Variants in ALDH1A2 observed in about 807,000 individuals in gnomAD.
The protein encoded by ALDH1A2 is aldehyde dehydrogenase 1 family member A2, also known as retinal dehydrogenase 2.
ALDH1A2 carries 27 observed loss-of-function variants against 60.3 expected under a neutral mutation model. The ratio of observed to expected loss-of-function variants is 0.45; its 90% CI spans 0.33 to 0.62. ALDH1A2 has a LOEUF of 0.62. ALDH1A2 is among the 20% of genes least tolerant of loss of function. The pLI, the probability that ALDH1A2 is intolerant of heterozygous loss-of-function variation, is 0.02. For synonymous variants in ALDH1A2, 289 were observed against 232.4 expected (o/e 1.24, Z -2.21); for missense variants, 581 against 643.8 (o/e 0.90, Z 1.06).
rs4646577 is a variant in ALDH1A2 at position 58,039,251 on chromosome 15, G to GT, written c.118-24971dup. Among the ~76,000 whole-genome samples, 168 of 149,540 alleles carry GT rather than the reference G, an allele frequency of 1.1e-3. No homozygotes were observed. In the Middle Eastern group the frequency reaches 0.021, roughly 18 times the overall value. On this transcript the variant is annotated intron_variant, in intron 1 of 12. Coordinates refer to ENST00000249750, the MANE Select transcript of ALDH1A2 (RefSeq NM_003888.4). The stretch of plus-strand genomic sequence containing the variant: ...GGAATCCCTGCAAAGTCTCAGATTA[G>GT]TTTTTTTTTTCTCCTTCTTTATTAA...
chr15:58,036,708 A>G (rs1023460776), intron 1 of ALDH1A2: 4 of 151,730 alleles, frequency 2.6e-5, no homozygotes, highest in Non-Finnish European at 4.4e-5. Context: ...TCTGGAGCTT[A>G]TAATAATGCT....
chr15:58,003,711 G>A (rs534251430), intron 4 of ALDH1A2, among the ~76,000 whole-genome samples: 7 of 151,984 alleles, frequency 4.6e-5, no homozygotes, highest in East Asian at 1.9e-4. Flanking sequence ...GGTTGTAGAC[G>A]TGAGAGAAGA....
chr15:58,014,158 T>C lies in ALDH1A2; in HGVS notation c.222+19A>G. The C allele has an allele frequency of 6.2e-7, 1 of 1,614,188 alleles. No homozygotes were observed. Among genetic ancestry groups the C allele is most frequent in the South Asian group, 1.1e-5 (1 of 91,082 alleles). On this transcript the variant is annotated intron_variant, in intron 2 of 12. Coordinates refer to ENST00000249750, the MANE Select transcript of ALDH1A2 (RefSeq NM_003888.4). ...AGGCAGTTATTTCATAGGAAATCTT[T>C]TATCTACAAAAGACATACCTTGTCT...
chr15:58,044,336 T>C (rs1427761977), intron 1 of ALDH1A2, among the ~76,000 whole-genome samples: 1 of 151,942 alleles, frequency 6.6e-6, no homozygotes, highest in African/African-American at 2.4e-5. Context: ...CCCCAGTGTG[T>C]GATGTTCCCC....
chr15:58,017,334 G>C (rs988284703), intron 1 of ALDH1A2, among the ~76,000 whole-genome samples: 1 of 152,010 alleles, frequency 6.6e-6, no homozygotes, highest in African/African-American at 2.4e-5. Flanking sequence ...GCTGAAGGTA[G>C]GTATATATGT....
chr15:58,025,547 G>A (rs1262716317), intron 1 of ALDH1A2, among the ~76,000 whole-genome samples: 1 of 152,088 alleles, frequency 6.6e-6, no homozygotes, highest in Admixed American at 6.5e-5. Context: ...AAAAGCCCAA[G>A]ACAAGAATCC....
At chr15:58,044,295 T>C (rs368808186) in intron 1 of ALDH1A2, among the ~76,000 whole-genome samples, 249 of 152,034 alleles carry the variant, frequency 1.6e-3, no homozygotes, top group African/African-American at 5.8e-3. Flanking sequence ...GTCCTAATGC[T>C]CTCCCTCTCC....
intron 1 of ALDH1A2, among the ~76,000 whole-genome samples, chr15:58,024,461 T>A (rs1896019002): frequency 6.6e-6 from 1 of 152,174 alleles, no homozygotes; most frequent in African/African-American, 2.4e-5. Context: ...AAAACAGATT[T>A]TAAGCCAAGA....
Position 57,992,829 on chromosome 15 carries a change from A to G in ALDH1A2, c.685-11T>C, listed in dbSNP as rs770667169. The G allele has an allele frequency of 6.2e-7, 1 of 1,613,996 alleles. No individual in the cohort carries two copies. Among genetic ancestry groups the G allele is most frequent in the Non-Finnish European group, 8.5e-7 (1 of 1,179,954 alleles). The stretch of plus-strand genomic sequence containing the variant: ...GGGAGGAAAGCCAGCCTAAGAAAAC[A>G]GAACAGGAGGAAACGTGGCTGATGA... On this transcript the variant is annotated splice_polypyrimidine_tract_variant and intron_variant, in intron 6 of 12. Transcript: ENST00000249750.
At chr15:58,013,814 G>A (rs1425384782) in intron 3 of ALDH1A2, 44 bp downstream of exon 3, 11 of 1,611,600 alleles carry the variant, frequency 6.8e-6, no homozygotes, top group Non-Finnish European at 9.3e-6. Flanking sequence ...TCAGCAGAAT[G>A]GCAAATGTGG....
At chr15:58,012,190 G>A (rs1895652146) in intron 3 of ALDH1A2, 1 of 152,072 alleles carries the variant, frequency 6.6e-6, no homozygotes, top group South Asian at 2.1e-4. Flanking sequence ...AGGCATTTGA[G>A]TTTTATTATA....
chr15:58,001,457 C>G (rs1895267051), intron 4 of ALDH1A2, among the ~76,000 whole-genome samples: 3 of 151,988 alleles, frequency 2.0e-5, no homozygotes, highest in Admixed American at 6.6e-5. Flanking sequence ...ATAAAGGGAA[C>G]ACTACAGAGA....
intron 7 of ALDH1A2, among the ~76,000 whole-genome samples, chr15:57,978,669 G>C (rs902062425): frequency 6.6e-6 from 1 of 152,172 alleles, no homozygotes; most frequent in African/African-American, 2.4e-5. Context: ...GTACTTGGAG[G>C]GGCATGTGGC....
chr15:58,065,099 T>C lies in ALDH1A2; in HGVS notation c.117+435A>G, dbSNP rs562664284. On this transcript the variant is annotated intron_variant, in intron 1 of 12. Transcript: ENST00000249750. ...CCCTCCGGGCTGTGGAGGACCTGAT[T>C]GGGACCAACAGCCGAGGGGCCCGGA... is the stretch of plus-strand genomic sequence containing the variant. 93 of 276,976 alleles carry C rather than the reference T, an allele frequency of 3.4e-4. 1 individual carries two copies. Among genetic ancestry groups the C allele is most frequent in the Middle Eastern group, 2.7e-3 (2 of 748 alleles). The allele number at this position is 276,976 out of a possible 1,614,324, so 17.2% of individuals were successfully genotyped here.
chr15:57,965,673 G>T, intron 8 of ALDH1A2, 52 bp downstream of exon 8: 1 of 1,281,526 alleles, frequency 7.8e-7, no homozygotes, highest in Non-Finnish European at 1.1e-6. Flanking sequence ...ATATAAAAGA[G>T]AGCACCAAAG....
chr15:58,021,845 A>G (rs1355496969), intron 1 of ALDH1A2, among the ~76,000 whole-genome samples: 1 of 152,214 alleles, frequency 6.6e-6, no homozygotes. Context: ...TGTTGCTGAG[A>G]TCTAAGATGG....
At chr15:57,959,679 G>A (rs1473594428) in intron 12 of ALDH1A2, among the ~76,000 whole-genome samples, 1 of 152,190 alleles carries the variant, frequency 6.6e-6, no homozygotes, top group South Asian at 2.1e-4. Context: ...TCTTGGAGAT[G>A]AGGTAACTGA....
intron 4 of ALDH1A2, among the ~76,000 whole-genome samples, chr15:58,000,185 G>A (rs748223856): frequency 1.1e-4 from 16 of 151,866 alleles, no homozygotes; most frequent in African/African-American, 1.7e-4. Flanking sequence ...AACCTGCACA[G>A]GTAATCCAGA....
In ALDH1A2 at chr15:58,017,763, G is replaced by GT. The variant is rs536889472; in HGVS notation, c.118-3483dup. ...GCTATGTTTAAATTCTTATTTTGCT[G>GT]TTTTTTTTACCATCTCTTTATTCTT... On this transcript the variant is annotated intron_variant, in intron 1 of 12. Transcript: ENST00000249750. Among the ~76,000 whole-genome samples, 387 of 151,732 alleles carry GT rather than the reference G, an allele frequency of 2.6e-3. 2 individuals carry two copies. Among genetic ancestry groups the GT allele is most frequent in the East Asian group, 7.3e-3 (38 of 5,172 alleles).
Sources: allele counts gnomAD v4.1 joint callset (sites outside exome capture counted in the v4.1 genomes callset), GRCh38; gene constraint gnomAD v4.1.1; transcripts MANE v1.5; gene names NCBI Gene and HGNC (gene_info 2026-07-23, HGNC 2026-07-21).